The following CYB561D1 variants were observed in gnomAD, a reference collection of about 807,000 sequenced individuals.
CYB561D1 encodes the protein probable transmembrane reductase CYB561D1.
Under a neutral mutation model 19.2 loss-of-function variants are expected in CYB561D1, and 15 were observed. That is an observed-to-expected ratio of 0.78 (90% CI 0.52 to 1.20). The LOEUF (loss-of-function observed/expected upper bound fraction) is 1.20, where lower values mean the gene tolerates loss of function less well. Ranked by LOEUF, CYB561D1 falls within the 50% of genes most tolerant of loss-of-function variation. The pLI is 0.00. For missense variants in CYB561D1, 297 were observed against 287.3 expected (o/e 1.03, Z -0.24); for synonymous variants, 133 against 120.6 (o/e 1.10, Z -0.68).
rs1657341770 is a variant in CYB561D1 at position 109,494,215 on chromosome 1, A to C, written c.76A>C (p.Ser26Arg). 2.6e-6 allele frequency: 4 copies of C among 1,566,946 alleles called. No homozygotes were observed. The highest frequency in any genetic ancestry group is 2.6e-6 in the Non-Finnish European group (3 of 1,155,714). Residue 26 changes from serine (S) to arginine (R), a missense_variant, in exon 1 of 3, where the codon AGT becomes CGT. Transcript: ENST00000420578. Reference protein sequence around the residue: ...PRLTRWLRRGSGILAHLVALG... With the variant: ...PRLTRWLRRGRGILAHLVALG... ...ACTGACCCGCTGGCTGCGGAGAGGCAGTGGGATCTTGGCGCACCTGGTAGC... is the reference window on the plus strand; with the variant it reads ...ACTGACCCGCTGGCTGCGGAGAGGCCGTGGGATCTTGGCGCACCTGGTAGC...
Position 109,499,031 on chromosome 1 carries a change from T to C in CYB561D1, c.*2772T>C, listed in dbSNP as rs1657749590. 6.6e-6 allele frequency: 1 copy of C among 152,094 alleles called. No individual in the cohort carries two copies. The highest frequency in any genetic ancestry group is 2.1e-4 in the South Asian group (1 of 4,832). 9.4% of individuals were successfully genotyped at this position (152,094 alleles called of 1,614,324 possible). A position where few individuals can be genotyped will look rare whatever the true frequency, so the allele number is the denominator to read the frequency against. On this transcript the variant is annotated 3_prime_UTR_variant, in exon 3 of 3. Transcript: ENST00000420578. ...ACCTTGAGGACATTAGAAATATAGATGGCTTCTGTATCCAAATCTGAATGG... is the reference window on the plus strand; with the variant it reads ...ACCTTGAGGACATTAGAAATATAGACGGCTTCTGTATCCAAATCTGAATGG...
In CYB561D1 at chr1:109,496,704, G is replaced by C. The variant is rs1442036882; in HGVS notation, c.*445G>C. Reference sequence around the variant, plus strand: ...CTTAGGCTCTGTTGTACAACCTTAGGTACATTCCATATCTTAAGACCACTG... The same window carrying C: ...CTTAGGCTCTGTTGTACAACCTTAGCTACATTCCATATCTTAAGACCACTG... On this transcript the variant is annotated 3_prime_UTR_variant, in exon 3 of 3. Coordinates refer to ENST00000420578, the MANE Select transcript of CYB561D1 (RefSeq NM_182580.3). 3 of 155,318 alleles carry C rather than the reference G, an allele frequency of 1.9e-5. No homozygotes were observed. The highest frequency in any genetic ancestry group is 4.3e-5 in the Non-Finnish European group (3 of 70,318). The allele number at this position is 155,318 out of a possible 1,614,324, so 9.6% of individuals were successfully genotyped here.
Position 109,495,799 on chromosome 1 carries a change from A to C in CYB561D1, c.230A>C (p.Glu77Ala). ...MAEAILLFSP[E>A]HSLFFFCSRK... ...GAAGCCATCCTACTCTTCTCACCTG[A>C]ACACTCCCTGTTCTTCTTCTGCTCC... Residue 77 changes from glutamate to alanine, a missense_variant, in exon 3 of 3, where the codon GAA becomes GCA. By Grantham distance (107) the Glu-to-Ala change is moderately radical (BLOSUM62 -1). Coordinates refer to ENST00000420578, the MANE Select transcript of CYB561D1 (RefSeq NM_182580.3). The C allele has an allele frequency of 6.2e-7, 1 of 1,614,072 alleles. No homozygotes were observed. The highest frequency in any genetic ancestry group is 1.6e-4 in the Middle Eastern group (1 of 6,062).
intron 1 of CYB561D1, 104 bp from the exon 2 acceptor site, chr1:109,495,039 G>A (rs1657442550): frequency 7.3e-7 from 1 of 1,366,016 alleles, no homozygotes; most frequent in Admixed American, 1.7e-5. Flanking sequence ...GATTAGGATT[G>A]GGGATGGTAC....
intron 1 of CYB561D1, among the ~76,000 whole-genome samples, chr1:109,494,870 C>A (rs28495866): frequency 1.6e-5 from 2 of 123,102 alleles, no homozygotes; most frequent in African/African-American, 4.3e-5. Context: ...CCAAAAAAAA[C>A]AAAAAACAAA....
At position 109,495,832 on chromosome 1, in the gene CYB561D1, C is replaced by T. The variant is rs1657504040; in HGVS notation, c.263C>T (p.Ala88Val). 9 of 1,613,866 alleles carry T rather than the reference C, an allele frequency of 5.6e-6. No individual in the cohort carries two copies. The highest frequency in any genetic ancestry group is 1.3e-5 in the African/African-American group (1 of 74,948). Reference sequence around the variant, plus strand: ...CTGTTCTTCTTCTGCTCCCGAAAAGCACGGATCCGGCTCCACTGGGCAGGG... The same window carrying T: ...CTGTTCTTCTTCTGCTCCCGAAAAGTACGGATCCGGCTCCACTGGGCAGGG... ...HSLFFFCSRK[A>V]RIRLHWAGQT... The change falls in exon 3 of 3, where the codon GCA becomes GTA. Residue 88 changes from alanine (A) to valine (V), a missense_variant. Ala to Val is a moderately conservative substitution (Grantham distance 64). Coordinates refer to ENST00000420578, the MANE Select transcript of CYB561D1 (RefSeq NM_182580.3).
At position 109,498,958 on chromosome 1, in the gene CYB561D1, T is replaced by A. The variant is rs969405354; in HGVS notation, c.*2699T>A. ...GCTAAGTCCTGATTCCAAATTTGAT[T>A]ATATTCCAAATTTGATTATATTCCA... On this transcript the variant is annotated 3_prime_UTR_variant, in exon 3 of 3. Transcript: ENST00000420578. 2 of 146,412 alleles carry A rather than the reference T, an allele frequency of 1.4e-5. No homozygotes were observed. Among genetic ancestry groups the A allele is most frequent in the African/African-American group, 5.3e-5 (2 of 37,604 alleles). The allele number at this position is 146,412 out of a possible 1,614,324, so 9.1% of individuals were successfully genotyped here.
chr1:109,494,350 G>A (rs572796699), intron 1 of CYB561D1, 63 bp downstream of exon 1: 1 of 1,518,520 alleles, frequency 6.6e-7, no homozygotes, highest in Admixed American at 2.1e-5. Context: ...GGCAGCGCTT[G>A]GGAGCCCCGG....
Position 109,496,195 on chromosome 1 carries a change from C to T in CYB561D1, c.626C>T (p.Pro209Leu), listed in dbSNP as rs200494256. 10 of 1,598,240 alleles carry T rather than the reference C, an allele frequency of 6.3e-6. No individual in the cohort carries two copies. In the East Asian group the frequency reaches 2.3e-4, roughly 36 times the overall value. ...CTGTGCCTGGCACTGCCCGTCTATC[C>T]AGCCCTGGTGATCATGCACCAGATT... is the stretch of plus-strand genomic sequence containing the variant. ...WYLCLALPVY[P>L]ALVIMHQISR... The change falls in exon 3 of 3, where the codon CCA (proline) becomes CTA (leucine). Residue 209 changes from proline to leucine, a missense_variant. By Grantham distance (98) the Pro-to-Leu change is moderately conservative (BLOSUM62 -3). Transcript: ENST00000420578.
At chr1:109,495,668 C>T (rs1270854337) in intron 2 of CYB561D1, 88 bp from the exon 3 acceptor site, 1 of 1,607,418 alleles carries the variant, frequency 6.2e-7, no homozygotes, top group South Asian at 1.1e-5. Flanking sequence ...ACCCTTTGTC[C>T]TCTTTGTTAG....
At chr1:109,495,305 C>T (rs894303796) in intron 2 of CYB561D1, 125 bp downstream of exon 2, 22 of 1,148,096 alleles carry the variant, frequency 1.9e-5, no homozygotes, top group African/African-American at 3.1e-5. Context: ...ATCTAGGGCT[C>T]ATCTTTCCCT....
At position 109,496,074 on chromosome 1, in the gene CYB561D1, T is replaced by C. The variant is rs1328876677; in HGVS notation, c.505T>C (p.Cys169Arg). The C allele has an allele frequency of 2.7e-5, 43 of 1,613,986 alleles. No individual in the cohort carries two copies. The East Asian group carries it at 9.6e-4, about 36-fold the overall frequency. Residue 169 changes from cysteine (C) to arginine (R), a missense_variant, in exon 3 of 3, where the codon TGT (cysteine) becomes CGT (arginine). Physicochemically the swap from Cys to Arg is radical, Grantham distance 180. Coordinates refer to ENST00000420578, the MANE Select transcript of CYB561D1 (RefSeq NM_182580.3). ...VARLKLYHLT[C>R]GLVVYLMATV... Reference sequence around the variant, plus strand: ...TCGCCTCAAGCTCTACCATCTGACATGTGGACTGGTGGTCTACCTGATGGC... The same window carrying C: ...TCGCCTCAAGCTCTACCATCTGACACGTGGACTGGTGGTCTACCTGATGGC...
Position 109,495,164 on chromosome 1 carries a change from T to C in CYB561D1, c.170T>C (p.Val57Ala), listed in dbSNP as rs775004222. 6.2e-7 allele frequency: 1 copy of C among 1,614,248 alleles called. No homozygotes were observed. The highest frequency in any genetic ancestry group is 1.1e-5 in the South Asian group (1 of 91,088). ...PGTSLFSWHP[V>A]FMALAFCLCM... ...TTAGGTCTTTTCTCCTGGCACCCTG[T>C]ATTCATGGCCTTGGCGGTGAGTTTA... is the stretch of plus-strand genomic sequence containing the variant. Residue 57 changes from valine (V) to alanine (A), a missense_variant, in exon 2 of 3, where the codon GTA becomes GCA. Physicochemically the swap from Val to Ala is moderately conservative, Grantham distance 64. Transcript: ENST00000420578.
rs759153548 is a variant in CYB561D1 at position 109,494,562 on chromosome 1, C to T, written c.148+275C>T. 1.3e-4 allele frequency: 191 copies of T among 1,443,906 alleles called. 3 individuals carry two copies. The South Asian group carries it at 2.3e-3, about 17-fold the overall frequency. 89.4% of individuals were successfully genotyped at this position (1,443,906 alleles called of 1,614,324 possible). A position where few individuals can be genotyped will look rare whatever the true frequency, so the allele number is the denominator to read the frequency against. The stretch of plus-strand genomic sequence containing the variant: ...GAGGATAGAAGTGAAGGAGGCCGGG[C>T]GCGGTGGGTCATGCCTGAAATCCCA... On this transcript the variant is annotated intron_variant, in intron 1 of 2. Coordinates refer to ENST00000420578, the MANE Select transcript of CYB561D1 (RefSeq NM_182580.3).
Position 109,496,385 on chromosome 1 carries a change from C to A in CYB561D1, c.*126C>A. On this transcript the variant is annotated 3_prime_UTR_variant, in exon 3 of 3. Transcript: ENST00000420578. The stretch of plus-strand genomic sequence containing the variant: ...CACTTCTTGGCTGGTCCAGGGACTG[C>A]AGAAACCAAAGCTGCTATTGTTGAG... The A allele has an allele frequency of 9.2e-7, 1 of 1,088,844 alleles. No individual in the cohort carries two copies. Among genetic ancestry groups the A allele is most frequent in the Non-Finnish European group, 1.3e-6 (1 of 777,120 alleles). 67.4% of individuals were successfully genotyped at this position (1,088,844 alleles called of 1,614,324 possible).
Position 109,500,019 on chromosome 1 carries a change from G to A in CYB561D1, c.*3760G>A, listed in dbSNP as rs1320544400. The A allele has an allele frequency of 6.6e-6, 1 of 152,294 alleles. No individual in the cohort carries two copies. The highest frequency in any genetic ancestry group is 2.4e-5 in the African/African-American group (1 of 41,478). The allele number at this position is 152,294 out of a possible 1,614,324, so 9.4% of individuals were successfully genotyped here. On this transcript the variant is annotated 3_prime_UTR_variant, in exon 3 of 3. Transcript: ENST00000420578. ...TAGGGAACACAGTGTATGCTAGGCTGAGACCTATGGTGGTGGCAGGGGTGG... is the reference window on the plus strand; with the variant it reads ...TAGGGAACACAGTGTATGCTAGGCTAAGACCTATGGTGGTGGCAGGGGTGG...
chr1:109,495,563 A>G lies in CYB561D1; in HGVS notation c.187-193A>G, dbSNP rs552130999. 1,596 of 1,040,586 alleles carry G rather than the reference A, an allele frequency of 1.5e-3. 4 individuals are homozygous for G. The highest frequency in any genetic ancestry group is 2.0e-3 in the Non-Finnish European group (1,443 of 728,980). The allele number at this position is 1,040,586 out of a possible 1,614,324, so 64.5% of individuals were successfully genotyped here. ...GTTGGGATGGGGAGATGTCAACCTGAATGAGGAGACGTGCACTCAAGTGCT... is the reference window on the plus strand; with the variant it reads ...GTTGGGATGGGGAGATGTCAACCTGGATGAGGAGACGTGCACTCAAGTGCT... On this transcript the variant is annotated intron_variant, in intron 2 of 2. Transcript: ENST00000420578.
Position 109,496,266 on chromosome 1 carries a change from G to A in CYB561D1, c.*7G>A, listed in dbSNP as rs138159183. ...GAAGAAAATGGAAATGTGAGTTCCTGCGAACGCTGAATCTAGGTGGGACGC... is the reference window on the plus strand; with the variant it reads ...GAAGAAAATGGAAATGTGAGTTCCTACGAACGCTGAATCTAGGTGGGACGC... On this transcript the variant is annotated 3_prime_UTR_variant, in exon 3 of 3. Transcript: ENST00000420578. 446 of 1,562,084 alleles carry A rather than the reference G, an allele frequency of 2.9e-4. 5 individuals carry two copies. In the East Asian group the frequency reaches 9.4e-3, roughly 33 times the overall value.
intron 2 of CYB561D1, 101 bp from the exon 3 acceptor site, chr1:109,495,655 C>G (rs758696383): frequency 3.1e-6 from 5 of 1,597,780 alleles, no homozygotes; most frequent in Non-Finnish European, 4.3e-6. Context: ...TTATTTAACC[C>G]TTACCCTTTG....
Sources: gnomAD v4.1 joint callset for allele counts (sites outside exome capture counted in the v4.1 genomes callset) on GRCh38, gnomAD v4.1.1 for gene constraint, MANE v1.5 for transcripts, NCBI Gene and HGNC (gene_info 2026-07-23, HGNC 2026-07-21) for gene names.